Variants in VAV1 observed in about 807,000 individuals in gnomAD.
VAV1 encodes the protein vav guanine nucleotide exchange factor 1, also known as proto-oncogene vav.
A neutral mutation model predicts 128.1 loss-of-function variants in VAV1; 33 were observed. That is an observed-to-expected ratio of 0.26 (90% CI 0.20 to 0.34). The LOEUF (loss-of-function observed/expected upper bound fraction) is 0.34. Ranked by LOEUF, VAV1 falls within the 10% of genes least tolerant of loss-of-function variation. The probability of loss-of-function intolerance (pLI) is 1.00; values close to 1 mark genes in which losing one functional copy is unlikely to be tolerated. For missense variants in VAV1, 715 were observed against 1,093.7 expected, an observed-to-expected ratio of 0.65 and a Z score of 4.88; for synonymous variants, 394 against 409.8, an observed-to-expected ratio of 0.96 and a Z score of 0.47.
intron 1 of VAV1, among the ~76,000 whole-genome samples, chr19:6,805,172 C>G (rs1971364339): frequency 6.6e-6 from 1 of 151,992 alleles, no homozygotes; most frequent in Non-Finnish European, 1.5e-5. Flanking sequence ...TGCCTGTAAT[C>G]CCAGCACTTT....
chr19:6,785,833 T>G (rs143693803), intron 1 of VAV1, among the ~76,000 whole-genome samples: 2,512 of 151,876 alleles, frequency 0.017, 70 homozygotes, highest in African/African-American at 0.058. Flanking sequence ...CTAATTTTTG[T>G]ATTTTTAGTA....
At chr19:6,833,052 A>G in intron 15 of VAV1, 132 bp from the exon 16 acceptor site, 1 of 768,644 alleles carries the variant, frequency 1.3e-6, no homozygotes, top group Non-Finnish European at 2.1e-6. Flanking sequence ...GGTGAAAACG[A>G]CCCAAAAGCC....
At chr19:6,806,401 G>GA (rs1332812069) in intron 1 of VAV1, among the ~76,000 whole-genome samples, 1 of 152,068 alleles carries the variant, frequency 6.6e-6, no homozygotes, top group Non-Finnish European at 1.5e-5. Context: ...TTTTTTTAAT[G>GA]AAAATAATTT....
rs761190562 is a variant in VAV1, at chr19:6,826,075, C to G, written c.828-537C>G. ...AAAACAGGCCAGGCGTGGTGGCTCA[C>G]GCCTGTAATTCCAGCACTTTGGGAG... is the stretch of plus-strand genomic sequence containing the variant. On this transcript the variant is annotated intron_variant, in intron 8 of 26. Transcript: ENST00000602142. The surrounding 1 kb of genome is among the most constrained non-coding windows in gnomAD (Gnocchi z 4.1). Among the ~76,000 whole-genome samples the G allele has an allele frequency of 1.3e-5, 2 of 149,152 alleles. No individual in the cohort carries two copies. Among genetic ancestry groups the G allele is most frequent in the East Asian group, 4.0e-4 (2 of 4,942 alleles).
At chr19:6,840,848 C>T (rs1049239903) in intron 21 of VAV1, among the ~76,000 whole-genome samples, 2 of 151,638 alleles carry the variant, frequency 1.3e-5, no homozygotes, top group Admixed American at 6.6e-5. Flanking sequence ...GGTGCAATCT[C>T]GGCCCACTGC....
rs185437711 is a variant in VAV1, at chr19:6,852,732, A to G, written c.2218-233A>G. 2.3e-3 allele frequency among the ~76,000 whole-genome samples: 354 copies of G among 151,940 alleles called. 6 individuals carry two copies. The highest frequency in any genetic ancestry group is 7.6e-3 in the African/African-American group (315 of 41,398). ...CCAGACTCCGTCTCAAAGAAAAAAA[A>G]AAAAGAAAGAAAGAACCTGTTTTAG... On this transcript the variant is annotated intron_variant, in intron 24 of 26. Coordinates refer to ENST00000602142, the MANE Select transcript of VAV1 (RefSeq NM_005428.4).
At chr19:6,807,299 T>C (rs779497236) in intron 1 of VAV1, among the ~76,000 whole-genome samples, 12 of 151,662 alleles carry the variant, frequency 7.9e-5, no homozygotes, top group African/African-American at 1.7e-4. Context: ...TGCAACTAGA[T>C]GATCCCATCT....
intron 1 of VAV1, among the ~76,000 whole-genome samples, chr19:6,814,078 T>G (rs1465694366): frequency 6.6e-6 from 1 of 152,026 alleles, no homozygotes; most frequent in Non-Finnish European, 1.5e-5. Flanking sequence ...AATCAATGAA[T>G]GAATAAATAA....
chr19:6,840,746 AG>A (rs1194138590), intron 21 of VAV1, among the ~76,000 whole-genome samples: 1 of 151,914 alleles, frequency 6.6e-6, no homozygotes, highest in Non-Finnish European at 1.5e-5. Flanking sequence ...CTGGGACTAC[AG>A]GCATGTGCCA....
Position 6,833,706 on chromosome 19 carries a change from C to G in VAV1, c.1709-5C>G, listed in dbSNP as rs755460358. Reference sequence around the variant, plus strand: ...GTTCTCACCATTTCCTTTACCCTCCCGTAGATTTCCCAGGAACTATGAAGA... The same window carrying G: ...GTTCTCACCATTTCCTTTACCCTCCGGTAGATTTCCCAGGAACTATGAAGA... On this transcript the variant is annotated splice_region_variant and splice_polypyrimidine_tract_variant and intron_variant, in intron 17 of 26. Transcript: ENST00000602142. 36 of 1,614,006 alleles carry G rather than the reference C, an allele frequency of 2.2e-5. No homozygotes were observed. The Admixed American group carries it at 4.3e-4, about 19-fold the overall frequency.
chr19:6,776,893 G>A (rs1970655042), intron 1 of VAV1, among the ~76,000 whole-genome samples: 3 of 152,088 alleles, frequency 2.0e-5, no homozygotes, highest in African/African-American at 7.2e-5. Flanking sequence ...GAGTAGCTGG[G>A]ACTACAGGCA....
At chr19:6,776,443 TCCACCCAC>T (rs747923618) in intron 1 of VAV1, among the ~76,000 whole-genome samples, 1 of 116,078 alleles carries the variant, frequency 8.6e-6, no homozygotes, top group South Asian at 3.2e-4. Context: ...CATCCATCCA[TCCACCCAC>T]CCATCCACCC....
chr19:6,792,382 A>G (rs568629244), intron 1 of VAV1, among the ~76,000 whole-genome samples: 2 of 151,566 alleles, frequency 1.3e-5, no homozygotes, highest in African/African-American at 4.8e-5. Context: ...AAAAAAAAAA[A>G]GGAATGAAAT....
intron 19 of VAV1, among the ~76,000 whole-genome samples, chr19:6,835,172 C>T (rs1018688597): frequency 1.3e-5 from 2 of 151,122 alleles, no homozygotes; most frequent in African/African-American, 4.9e-5. Context: ...CAACCCGTGT[C>T]CTTTGTACAA....
At chr19:6,830,850 G>T (rs1222221802) in intron 14 of VAV1, among the ~76,000 whole-genome samples, 1 of 152,152 alleles carries the variant, frequency 6.6e-6, no homozygotes, top group Non-Finnish European at 1.5e-5. Context: ...TACTTTGGGA[G>T]GCCGAGGTGG....
intron 6 of VAV1, among the ~76,000 whole-genome samples, chr19:6,823,341 G>T (rs1473429656): frequency 2.0e-5 from 3 of 151,234 alleles, no homozygotes; most frequent in Admixed American, 2.0e-4. Flanking sequence ...GGCCAGGCTG[G>T]TCTCGAACTC....
intron 21 of VAV1, among the ~76,000 whole-genome samples, chr19:6,838,626 C>T (rs1172826361): frequency 2.0e-5 from 3 of 152,156 alleles, no homozygotes; most frequent in African/African-American, 7.2e-5. Context: ...TCTCTCTCAT[C>T]TATTCATTTA....
chr19:6,778,725 C>CAAAAA (rs762865924), intron 1 of VAV1, among the ~76,000 whole-genome samples: 1 of 142,420 alleles, frequency 7.0e-6, no homozygotes, highest in East Asian at 1.9e-4. Flanking sequence ...GACTTTGTCT[C>CAAAAA]AAAAAACAAA....
At chr19:6,789,260 C>CTTTTTTTTTTTTTTTTTTTTT (rs771682522) in intron 1 of VAV1, among the ~76,000 whole-genome samples, 10 of 144,924 alleles carry the variant, frequency 6.9e-5, no homozygotes, top group African/African-American at 2.5e-4. Context: ...CTCCTTTCTT[C>CTTTTTTTTTTTTTTTTTTTTT]TTTTTTTTTT....
Sources: gnomAD v4.1 joint callset for allele counts (sites outside exome capture counted in the v4.1 genomes callset) on GRCh38, gnomAD v4.1.1 for gene constraint, Gnocchi (gnomAD v3.1) non-coding constraint, MANE v1.5 for transcripts, NCBI Gene and HGNC (gene_info 2026-07-23, HGNC 2026-07-21) for gene names.